VPS4B: variants seen among roughly 807,000 people sequenced by gnomAD.
The protein encoded by VPS4B is vacuolar protein sorting-associated protein 4B.
Under a neutral mutation model 56.1 loss-of-function variants are expected in VPS4B, and 23 were observed. The ratio of observed to expected loss-of-function variants is 0.41; its 90% CI spans 0.30 to 0.58. VPS4B has a LOEUF of 0.58. Ranked by LOEUF, VPS4B falls within the 20% of genes least tolerant of loss-of-function variation. The probability of loss-of-function intolerance (pLI) is 0.29; values close to 1 mark genes in which losing one functional copy is unlikely to be tolerated. For missense variants in VPS4B, 372 were observed against 531.9 expected, an observed-to-expected ratio of 0.70 and a Z score of 2.96; for synonymous variants, 177 against 186.0, an observed-to-expected ratio of 0.95 and a Z score of 0.39.
chr18:63,409,353 C>G, intron 3 of VPS4B, among the ~76,000 whole-genome samples: 1 of 152,226 alleles, frequency 6.6e-6, no homozygotes, highest in East Asian at 1.9e-4. Flanking sequence ...CTAAAAGGCA[C>G]TTCATTCCTT....
At chr18:63,402,056 C>A (rs73472626) in intron 5 of VPS4B, among the ~76,000 whole-genome samples, 8,298 of 152,090 alleles carry the variant, frequency 0.055, 713 homozygotes, top group African/African-American at 0.18. Flanking sequence ...TGGATGTGTA[C>A]ACAGTATCTG....
At chr18:63,401,918 G>C (rs371636642) in intron 5 of VPS4B, among the ~76,000 whole-genome samples, 1 of 152,070 alleles carries the variant, frequency 6.6e-6, no homozygotes, top group Non-Finnish European at 1.5e-5. Flanking sequence ...GCTTGAACTC[G>C]GGAGGTGGAG....
At position 63,411,543 on chromosome 18, in the gene VPS4B, T is replaced by C; in HGVS notation, c.63A>G (p.Glu21=). ...AIDLASKAAQ[E]DKAGNYEEAL... ...CTTCTTCGTAGTTCCCAGCCTTGTC[T>C]TCTTGCGCTGCTTTGCTAGCCAGAT... The change falls in exon 2 of 11, where the codon GAA becomes GAG. Residue 21 remains glutamate, a synonymous_variant. Transcript: ENST00000238497. The C allele has an allele frequency of 6.2e-7, 1 of 1,602,514 alleles. No individual in the cohort carries two copies. The highest frequency in any genetic ancestry group is 8.5e-7 in the Non-Finnish European group (1 of 1,173,952).
intron 2 of VPS4B, 71 bp from the exon 3 acceptor site, chr18:63,410,517 T>C (rs1004537415): frequency 8.3e-6 from 13 of 1,559,338 alleles, no homozygotes; most frequent in African/African-American, 4.2e-5. Flanking sequence ...CTCTTAAATA[T>C]GTATTTTTTC....
At chr18:63,413,102 A>C (rs531847839) in intron 1 of VPS4B, among the ~76,000 whole-genome samples, 21 of 152,246 alleles carry the variant, frequency 1.4e-4, no homozygotes, top group African/African-American at 3.8e-4. Flanking sequence ...AACTGCACAA[A>C]CAACCACACC....
chr18:63,400,014 G>A (rs763828241), intron 7 of VPS4B, 34 bp downstream of exon 7: 30 of 1,586,328 alleles, frequency 1.9e-5, no homozygotes, highest in South Asian at 4.6e-5. Flanking sequence ...GTGAGACTCC[G>A]TCTCAAAAAG....
intron 1 of VPS4B, among the ~76,000 whole-genome samples, chr18:63,420,863 C>T (rs1052405753): frequency 5.8e-4 from 88 of 151,904 alleles, no homozygotes; most frequent in African/African-American, 2.1e-3. Flanking sequence ...GGTGAAACCT[C>T]ATCTCTACTA....
intron 2 of VPS4B, 113 bp from the exon 3 acceptor site, chr18:63,410,559 G>A: frequency 2.2e-6 from 3 of 1,360,892 alleles, no homozygotes; most frequent in Non-Finnish European, 2.0e-6. Context: ...GAAGAAGGAG[G>A]GAAGATCATC....
At chr18:63,410,520 A>C (rs1916016771) in intron 2 of VPS4B, 74 bp from the exon 3 acceptor site, 1 of 1,547,960 alleles carries the variant, frequency 6.5e-7, no homozygotes. Flanking sequence ...TTAAATATGT[A>C]TTTTTTCAGA....
chr18:63,416,602 C>T (rs1313469717), intron 1 of VPS4B: 1 of 152,268 alleles, frequency 6.6e-6, no homozygotes, highest in African/African-American at 2.4e-5. Flanking sequence ...CAGTCTGTTC[C>T]CACCCTTGCT....
intron 3 of VPS4B, among the ~76,000 whole-genome samples, chr18:63,409,695 A>G (rs76810844): frequency 0.03 from 4,578 of 152,326 alleles, 217 homozygotes; most frequent in African/African-American, 0.1. Context: ...TTCAACGTTT[A>G]TAAGTTATGC....
At chr18:63,399,734 G>T (rs550394290) in intron 7 of VPS4B, among the ~76,000 whole-genome samples, 1 of 152,210 alleles carries the variant, frequency 6.6e-6, no homozygotes, top group East Asian at 1.9e-4. Flanking sequence ...GTATGCATAT[G>T]GAAGACAATT....
At chr18:63,409,395 G>A (rs922616527) in intron 3 of VPS4B, among the ~76,000 whole-genome samples, 4 of 152,124 alleles carry the variant, frequency 2.6e-5, no homozygotes, top group Admixed American at 6.5e-5. Flanking sequence ...AATAACCTGC[G>A]CCACTGCATA....
At chr18:63,396,220 T>A (rs187877489) in intron 9 of VPS4B, 2 of 152,314 alleles carry the variant, frequency 1.3e-5, no homozygotes, top group East Asian at 3.9e-4. Context: ...AATCATTTCA[T>A]AGGAAAATTT....
chr18:63,390,870 C>T lies in VPS4B; in HGVS notation c.*105G>A. ...AACTCTGAAGTGAGATGTGTATTTC[C>T]CTGTGGTAAAAGAGTTTTACTGGAA... is the stretch of plus-strand genomic sequence containing the variant. On this transcript the variant is annotated 3_prime_UTR_variant, in exon 11 of 11. Coordinates refer to ENST00000238497, the MANE Select transcript of VPS4B (RefSeq NM_004869.4). 2 of 726,614 alleles carry T rather than the reference C, an allele frequency of 2.8e-6. No individual in the cohort carries two copies. The highest frequency in any genetic ancestry group is 1.8e-5 in the African/African-American group (1 of 55,726). The allele number at this position is 726,614 out of a possible 1,614,324, so 45.0% of individuals were successfully genotyped here.
In VPS4B at chr18:63,397,136, C is replaced by T; in HGVS notation, c.990G>A (p.Gly330=). The T allele has an allele frequency of 6.2e-7, 1 of 1,614,198 alleles. No individual in the cohort carries two copies. Among genetic ancestry groups the T allele is most frequent in the Non-Finnish European group, 8.5e-7 (1 of 1,180,040 alleles). ...SLTEADFREL[G]RKTDGYSGAD... ...CCCCTGAATAACCATCTGTTTTCCTCCCAAGTTCCCGAAAGTCTGCTTCCG... is the reference window on the plus strand; with the variant it reads ...CCCCTGAATAACCATCTGTTTTCCTTCCAAGTTCCCGAAAGTCTGCTTCCG... The change falls in exon 9 of 11, where the codon GGG becomes GGA. Residue 330 remains glycine, a synonymous_variant. Transcript: ENST00000238497.
At position 63,389,992 on chromosome 18, in the gene VPS4B, CTT is replaced by C. The variant is rs1302911463; in HGVS notation, c.*981_*982del. ...AATGTCTAATTTAGAAAATCTTCCT[CTT>C]GAGATTGCACAGTGAAAGGTATCAG... is the stretch of plus-strand genomic sequence containing the variant. On this transcript the variant is annotated 3_prime_UTR_variant, in exon 11 of 11. Transcript: ENST00000238497. 2 of 152,678 alleles carry C rather than the reference CTT, an allele frequency of 1.3e-5. No individual in the cohort carries two copies. Among genetic ancestry groups the C allele is most frequent in the Non-Finnish European group, 2.9e-5 (2 of 68,008 alleles). 9.5% of individuals were successfully genotyped at this position (152,678 alleles called of 1,614,324 possible). A position where few individuals can be genotyped will look rare whatever the true frequency, so the allele number is the denominator to read the frequency against.
At chr18:63,407,296 A>G in intron 4 of VPS4B, 136 bp downstream of exon 4, 3 of 738,558 alleles carry the variant, frequency 4.1e-6, no homozygotes, top group Non-Finnish European at 4.4e-6. Flanking sequence ...CAAAGCCAGC[A>G]CATGACTATT....
chr18:63,411,704 C>CAAAAATAAGTA (rs1857230192), intron 1 of VPS4B, 126 bp from the exon 2 acceptor site: 1 of 517,516 alleles, frequency 1.9e-6, no homozygotes, highest in African/African-American at 2.0e-5. Context: ...TGAAAGAAAA[C>CAAAAATAAGTA]AAAAATAAGT....
Sources: gnomAD v4.1 joint callset for allele counts (sites outside exome capture counted in the v4.1 genomes callset) on GRCh38, gnomAD v4.1.1 for gene constraint, MANE v1.5 for transcripts, NCBI Gene and HGNC (gene_info 2026-07-23, HGNC 2026-07-21) for gene names.